The following CD33 variants were observed in gnomAD, a reference collection of about 807,000 sequenced individuals.
CD33 encodes the protein myeloid cell surface antigen CD33.
In CD33, 25 loss-of-function variants were observed where a neutral mutation model predicts 31.4. That is an observed-to-expected ratio of 0.80 (90% CI 0.58 to 1.11). The LOEUF (loss-of-function observed/expected upper bound fraction) is 1.11. Ranked by LOEUF, CD33 falls within the 50% of genes most tolerant of loss-of-function variation. CD33 has a pLI of 0.00. For synonymous variants in CD33, 176 were observed against 180.6 expected (o/e 0.97, Z 0.20); for missense variants, 407 against 448.1 (o/e 0.91, Z 0.83).
chr19:51,220,682 A>T (rs139337120), upstream of CD33, among the ~76,000 whole-genome samples: 727 of 152,294 alleles, frequency 4.8e-3, 2 homozygotes, highest in Non-Finnish European at 6.7e-3. Flanking sequence ...AGGCTCAAGA[A>T]ACTAAGACCC....
At chr19:51,214,390 G>T in the CD33 span, among the ~76,000 whole-genome samples, 1 of 150,544 alleles carries the variant, frequency 6.6e-6, no homozygotes, top group Non-Finnish European at 1.5e-5. Context: ...TAGAGACAGG[G>T]TTTCACCATG....
intron 5 of CD33, 152 bp from the exon 6 acceptor site, chr19:51,235,443 G>A (rs1404893838): frequency 7.2e-7 from 1 of 1,380,850 alleles, no homozygotes; most frequent in East Asian, 2.5e-5. Context: ...CCAAGGAGTG[G>A]GAGGTAGAGG....
chr19:51,233,923 T>G lies in CD33; in HGVS notation c.746-1234T>G, dbSNP rs983401160. ...CACTACACTACTCTCCCTTCGACAC[T>G]CCACTCAAATCTTTGCTGTGGTTTA... On this transcript the variant is annotated intron_variant, in intron 4 of 6. Coordinates refer to ENST00000262262, the MANE Select transcript of CD33 (RefSeq NM_001772.4). Among the ~76,000 whole-genome samples the G allele has an allele frequency of 2.1e-4, 32 of 152,278 alleles. No homozygotes were observed. The Middle Eastern group carries it at 0.01, about 49-fold the overall frequency.
chr19:51,235,575 AC>A lies in CD33; in HGVS notation c.843-17del. On this transcript the variant is annotated intron_variant, in intron 5 of 6. Coordinates refer to ENST00000262262, the MANE Select transcript of CD33 (RefSeq NM_001772.4). ...CAGCCTGAGAAAACCAGGCTCAAAGACCCTGGTGTCTCCCATCAGAGTGAAG... is the reference window on the plus strand; with the variant it reads ...CAGCCTGAGAAAACCAGGCTCAAAGACCTGGTGTCTCCCATCAGAGTGAAG... 6.2e-7 allele frequency: 1 copy of A among 1,609,708 alleles called. No individual in the cohort carries two copies. The highest frequency in any genetic ancestry group is 1.1e-5 in the South Asian group (1 of 90,366).
chr19:51,227,339 G>C (rs936903669), intron 4 of CD33, among the ~76,000 whole-genome samples: 4 of 152,158 alleles, frequency 2.6e-5, no homozygotes, highest in Non-Finnish European at 1.5e-5. Context: ...CTGGTCAAAA[G>C]TATATAAGAG....
chr19:51,227,472 G>T (rs1382128651), intron 4 of CD33, among the ~76,000 whole-genome samples: 2 of 152,168 alleles, frequency 1.3e-5, no homozygotes, highest in African/African-American at 4.8e-5. Context: ...GGTGATTGGT[G>T]ACGTTGAGCA....
chr19:51,234,194 C>G (rs750907986), intron 4 of CD33, among the ~76,000 whole-genome samples: 1 of 152,062 alleles, frequency 6.6e-6, no homozygotes, highest in South Asian at 2.1e-4. Context: ...CCCGTATGCC[C>G]TCTACCCTTA....
chr19:51,221,103 G>T (rs1036627890), upstream of CD33, among the ~76,000 whole-genome samples: 4 of 152,192 alleles, frequency 2.6e-5, no homozygotes, highest in Admixed American at 2.6e-4. Flanking sequence ...AAAATGGACA[G>T]AGGGTGTGAA....
chr19:51,211,917 G>A, the CD33 span: 236 of 1,436,058 alleles, frequency 1.6e-4, 2 homozygotes, highest in Admixed American at 3.0e-4. Context: ...CTGGATGTCA[G>A]CTGCCCCCAT....
At chr19:51,226,218 T>G in intron 3 of CD33, 91 bp from the exon 4 acceptor site, 2 of 1,511,742 alleles carry the variant, frequency 1.3e-6, no homozygotes, top group Non-Finnish European at 1.8e-6. Context: ...CCCTTCTGCA[T>G]TTCTGTGGTT....
At chr19:51,216,572 G>A in the CD33 span, among the ~76,000 whole-genome samples, 3 of 152,060 alleles carry the variant, frequency 2.0e-5, no homozygotes, top group African/African-American at 7.2e-5. Context: ...GGTGGGCATG[G>A]TGGCATGTGC....
At position 51,225,536 on chromosome 19, in the gene CD33, G is replaced by T; in HGVS notation, c.356G>T (p.Arg119Leu). Reference protein sequence around the residue: ...RRRDNGSYFFRMERGSTKYSY... With the variant: ...RRRDNGSYFFLMERGSTKYSY... ...AGGGATAATGGTTCATACTTCTTTC[G>T]GATGGAGAGAGGAAGTACCAAATAC... Residue 119 changes from arginine to leucine, a missense_variant, in exon 2 of 7, where the codon CGG becomes CTG. By Grantham distance (102) the Arg-to-Leu change is moderately radical. Transcript: ENST00000262262. The T allele has an allele frequency of 1.3e-6, 2 of 1,598,744 alleles. No homozygotes were observed. Among genetic ancestry groups the T allele is most frequent in the Non-Finnish European group, 1.7e-6 (2 of 1,172,206 alleles).
intron 4 of CD33, among the ~76,000 whole-genome samples, chr19:51,229,659 T>C (rs1981273514): frequency 6.6e-6 from 1 of 152,168 alleles, no homozygotes; most frequent in Non-Finnish European, 1.5e-5. Context: ...CCATTTCTTC[T>C]AGACTTTCAA....
chr19:51,212,741 C>T, the CD33 span, among the ~76,000 whole-genome samples: 36 of 152,314 alleles, frequency 2.4e-4, no homozygotes, highest in Non-Finnish European at 3.2e-4. Flanking sequence ...CAATGCACAG[C>T]GGAGTCTGTC....
Position 51,235,589 on chromosome 19 carries a change from C to A in CD33, c.843-6C>A, listed in dbSNP as rs570781433. The A allele has an allele frequency of 1.2e-5, 19 of 1,612,824 alleles. No homozygotes were observed. The South Asian group carries it at 2.1e-4, about 18-fold the overall frequency. On this transcript the variant is annotated splice_polypyrimidine_tract_variant and splice_region_variant and intron_variant, in intron 5 of 6. Coordinates refer to ENST00000262262, the MANE Select transcript of CD33 (RefSeq NM_001772.4). ...CAGGCTCAAAGACCCTGGTGTCTCCCATCAGAGTGAAGACCCACAGGAGGA... is the reference window on the plus strand; with the variant it reads ...CAGGCTCAAAGACCCTGGTGTCTCCAATCAGAGTGAAGACCCACAGGAGGA...
the CD33 span, among the ~76,000 whole-genome samples, chr19:51,215,865 G>A: frequency 2.0e-5 from 3 of 152,038 alleles, no homozygotes; most frequent in African/African-American, 7.2e-5. Context: ...CCTGGTCACT[G>A]AACCATCCTC....
chr19:51,229,661 G>T (rs1379731928), intron 4 of CD33, among the ~76,000 whole-genome samples: 2 of 151,968 alleles, frequency 1.3e-5, no homozygotes, highest in African/African-American at 4.8e-5. Context: ...ATTTCTTCTA[G>T]ACTTTCAAAT....
chr19:51,234,292 C>T (rs1454590200), intron 4 of CD33, among the ~76,000 whole-genome samples: 1 of 152,142 alleles, frequency 6.6e-6, no homozygotes, highest in Non-Finnish European at 1.5e-5. Context: ...TCATTGTCAC[C>T]TGAAGCCCAT....
chr19:51,224,123 T>C (rs1980821497), upstream of CD33, among the ~76,000 whole-genome samples: 1 of 152,162 alleles, frequency 6.6e-6, no homozygotes, highest in Non-Finnish European at 1.5e-5. Context: ...AGAGGCACAC[T>C]CTCTTACAGA....
Sources: gnomAD v4.1 joint callset for allele counts (sites outside exome capture counted in the v4.1 genomes callset) on GRCh38, gnomAD v4.1.1 for gene constraint, MANE v1.5 for transcripts, NCBI Gene and HGNC (gene_info 2026-07-23, HGNC 2026-07-21) for gene names.